Variants in CD37 observed in about 807,000 individuals in gnomAD.
CD37 encodes leukocyte antigen CD37.
A neutral mutation model predicts 38.9 loss-of-function variants in CD37; 37 were observed. That is an observed-to-expected ratio of 0.95 (90% CI 0.73 to 1.25). The LOEUF is 1.25. CD37 is among the 50% of genes most tolerant of loss of function. The pLI, the probability that CD37 is intolerant of heterozygous loss-of-function variation, is 0.00. For synonymous variants in CD37, 146 were observed against 150.1 expected, an observed-to-expected ratio of 0.97 and a Z score of 0.20; for missense variants, 351 against 360.1, an observed-to-expected ratio of 0.97 and a Z score of 0.20.
At chr19:49,336,156 T>G in intron 2 of CD37, 1 of 281,572 alleles carries the variant, frequency 3.6e-6, no homozygotes. Flanking sequence ...AATAATGAAG[T>G]ATGACCCTAA....
In CD37 at chr19:49,339,744, G is replaced by A. The variant is rs1003028928; in HGVS notation, c.768+331G>A. On this transcript the variant is annotated intron_variant, in intron 7 of 7. Coordinates refer to ENST00000323906, the MANE Select transcript of CD37 (RefSeq NM_001774.3). The surrounding 1 kb of genome is among the most constrained non-coding windows in gnomAD (Gnocchi z 4.5). ...CGCACGTGCCGGGCGCTGGGGATTC[G>A]AGCCCCGGGCCCAGCCTGATCGCTG... 24 of 1,383,162 alleles carry A rather than the reference G, an allele frequency of 1.7e-5. No individual in the cohort carries two copies. In the African/African-American group the frequency reaches 2.9e-4, roughly 17 times the overall value. 85.7% of individuals were successfully genotyped at this position (1,383,162 alleles called of 1,614,324 possible).
Position 49,338,862 on chromosome 19 carries a change from C to G in CD37, c.610C>G (p.Leu204Val), listed in dbSNP as rs761441250. The change falls in exon 6 of 8, where the codon CTT becomes GTT. Residue 204 changes from leucine (L) to valine (V), a missense_variant. Physicochemically the swap from Leu to Val is conservative, Grantham distance 32 (BLOSUM62 1). Coordinates refer to ENST00000323906, the MANE Select transcript of CD37 (RefSeq NM_001774.3). The surrounding 1 kb of genome is among the most constrained non-coding windows in gnomAD (Gnocchi z 5.0). Reference sequence around the variant, plus strand: ...GGTGATCTTGCCCCAGCTCAGCAGGCTTGGACACCTGGCGCGGTCCAGACA... The same window carrying G: ...GGTGATCTTGCCCCAGCTCAGCAGGGTTGGACACCTGGCGCGGTCCAGACA... ...DKVILPQLSR[L>V]GHLARSRHSA... 1 of 1,614,054 alleles carries G rather than the reference C, an allele frequency of 6.2e-7. No individual in the cohort carries two copies. The highest frequency in any genetic ancestry group is 1.3e-5 in the African/African-American group (1 of 74,930).
rs962809466 is a variant in CD37, at chr19:49,335,728, G to T, written c.84G>T (p.Leu28=). The change falls in exon 2 of 8, where the codon CTG becomes CTT. Residue 28 remains leucine, a synonymous_variant. Coordinates refer to ENST00000323906, the MANE Select transcript of CD37 (RefSeq NM_001774.3). The surrounding 1 kb of genome is among the most constrained non-coding windows in gnomAD (Gnocchi z 4.6). ...FNLFFFVLGS[L]IFCFGIWILI... ...CCTCTCCCCAGGTCCTCGGCAGCCT[G>T]ATCTTCTGCTTCGGCATCTGGATCC... is the stretch of plus-strand genomic sequence containing the variant. The T allele has an allele frequency of 2.5e-6, 4 of 1,612,694 alleles. No individual in the cohort carries two copies. Among genetic ancestry groups the T allele is most frequent in the Non-Finnish European group, 3.4e-6 (4 of 1,179,414 alleles).
chr19:49,337,119 A>G (rs1262170088), intron 3 of CD37, 28 bp from the exon 4 acceptor site: 2 of 1,614,146 alleles, frequency 1.2e-6, no homozygotes, highest in East Asian at 4.5e-5. Context: ...AGGGGTGGTC[A>G]GCCTGATCTC....
chr19:49,338,609 C>T lies in CD37; in HGVS notation c.448-91C>T. 3 of 934,100 alleles carry T rather than the reference C, an allele frequency of 3.2e-6. No homozygotes were observed. The highest frequency in any genetic ancestry group is 2.1e-4 in the Middle Eastern group (1 of 4,714). The allele number at this position is 934,100 out of a possible 1,614,324, so 57.9% of individuals were successfully genotyped here. A position where few individuals can be genotyped will look rare whatever the true frequency, so the allele number is the denominator to read the frequency against. ...ACCCACCACTTAGTCCCCTGCTCCC[C>T]GACCTGACCTCATACCCATCACCTT... On this transcript the variant is annotated intron_variant, in intron 5 of 7. Transcript: ENST00000323906. The surrounding 1 kb of genome is among the most constrained non-coding windows in gnomAD (Gnocchi z 5.0).
intron 7 of CD37, 108 bp from the exon 8 acceptor site, chr19:49,340,143 C>G: frequency 5.2e-5 from 70 of 1,347,932 alleles, no homozygotes; most frequent in East Asian, 9.0e-5. Context: ...CCAGCCCCTT[C>G]CCGCCCAATT....
At position 49,339,336 on chromosome 19, in the gene CD37, GCGC is replaced by G; in HGVS notation, c.692_694del (p.Ala231_Gln232delinsGlu). On this transcript the variant is annotated inframe_deletion, in exon 7 of 8. Transcript: ENST00000323906. The surrounding 1 kb of genome is among the most constrained non-coding windows in gnomAD (Gnocchi z 4.5). ...TTTTCCCTACACCCCCCAGGGCTGC[GCGC>G]AGGGCCTCCAGAAGTGGCTGCACAA... The G allele has an allele frequency of 6.2e-7, 1 of 1,613,924 alleles. No individual in the cohort carries two copies. The highest frequency in any genetic ancestry group is 8.5e-7 in the Non-Finnish European group (1 of 1,179,860).
rs774818223 is a variant in CD37 at position 49,337,213 on chromosome 19, C to A, written c.334C>A (p.Arg112=). Residue 112 remains arginine (R), a synonymous_variant, in exon 4 of 8, where the codon CGG becomes AGG. Coordinates refer to ENST00000323906, the MANE Select transcript of CD37 (RefSeq NM_001774.3). ...CCTGGGAATCCTCATCTCCACTCAG[C>A]GGGCCCAGGTGAGCTTCCTGCAGTG... ...ITLGILISTQ[R]AQLERSLRDV... 3.7e-6 allele frequency: 6 copies of A among 1,613,892 alleles called. No individual in the cohort carries two copies. Among genetic ancestry groups the A allele is most frequent in the Non-Finnish European group, 5.1e-6 (6 of 1,179,944 alleles).
Position 49,340,392 on chromosome 19 carries a change from T to A in CD37, c.*64T>A. The A allele has an allele frequency of 9.1e-7, 1 of 1,103,188 alleles. No individual in the cohort carries two copies. The allele number at this position is 1,103,188 out of a possible 1,614,324, so 68.3% of individuals were successfully genotyped here. A position where few individuals can be genotyped will look rare whatever the true frequency, so the allele number is the denominator to read the frequency against. ...GTGCGCTGGGCACTTCCCTGCTGCC[T>A]GTAAATATTTGTTTAATCCCCAGTT... On this transcript the variant is annotated 3_prime_UTR_variant, in exon 8 of 8. Coordinates refer to ENST00000323906, the MANE Select transcript of CD37 (RefSeq NM_001774.3).
At position 49,338,612 on chromosome 19, in the gene CD37, C is replaced by A; in HGVS notation, c.448-88C>A. 1.0e-6 allele frequency: 1 copy of A among 958,670 alleles called. No individual in the cohort carries two copies. The highest frequency in any genetic ancestry group is 1.7e-6 in the Non-Finnish European group (1 of 605,830). 59.4% of individuals were successfully genotyped at this position (958,670 alleles called of 1,614,324 possible). ...CACCACTTAGTCCCCTGCTCCCCGACCTGACCTCATACCCATCACCTTGTC... is the reference window on the plus strand; with the variant it reads ...CACCACTTAGTCCCCTGCTCCCCGAACTGACCTCATACCCATCACCTTGTC... On this transcript the variant is annotated intron_variant, in intron 5 of 7. Transcript: ENST00000323906. The surrounding 1 kb of genome is among the most constrained non-coding windows in gnomAD (Gnocchi z 5.0).
rs1161906466 is a variant in CD37, at chr19:49,339,667, A to T, written c.768+254A>T. ...TCCCCTTTCTCCGCAGATGACTGTC[A>T]TGGTGCTGAGCGTACAGCTACAGCG... On this transcript the variant is annotated intron_variant, in intron 7 of 7. Coordinates refer to ENST00000323906, the MANE Select transcript of CD37 (RefSeq NM_001774.3). This position sits in a 1 kb window ranked among gnomAD's most constrained non-coding sequence, Gnocchi z 4.5. 2 of 1,428,036 alleles carry T rather than the reference A, an allele frequency of 1.4e-6. No individual in the cohort carries two copies. The highest frequency in any genetic ancestry group is 2.5e-5 in the East Asian group (1 of 39,536). The allele number at this position is 1,428,036 out of a possible 1,614,324, so 88.5% of individuals were successfully genotyped here. A position where few individuals can be genotyped will look rare whatever the true frequency, so the allele number is the denominator to read the frequency against.
At chr19:49,336,205 A>G in intron 2 of CD37, 1 of 198,380 alleles carries the variant, frequency 5.0e-6, no homozygotes, top group South Asian at 8.7e-5. Flanking sequence ...CATATTTAAG[A>G]AGTCTTTGCC....
At chr19:49,336,796 A>AGAGAG (rs1970971801) in intron 2 of CD37, 113 bp from the exon 3 acceptor site, 5 of 1,134,406 alleles carry the variant, frequency 4.4e-6, no homozygotes, top group Non-Finnish European at 6.4e-6. Context: ...ACAGAGTCCC[A>AGAGAG]GAGAGAGGGG....
chr19:49,340,088 C>A, intron 7 of CD37, 163 bp from the exon 8 acceptor site: 12 of 1,529,158 alleles, frequency 7.8e-6, no homozygotes, highest in Non-Finnish European at 9.6e-6. Flanking sequence ...GCCAGCCCTG[C>A]GGCAGTTCCC....
Position 49,337,001 on chromosome 19 carries a change from G to T in CD37, c.235G>T (p.Ala79Ser). 1.2e-6 allele frequency: 2 copies of T among 1,613,768 alleles called. No individual in the cohort carries two copies. The highest frequency in any genetic ancestry group is 4.5e-5 in the East Asian group (2 of 44,870). Residue 79 changes from alanine to serine, a missense_variant, in exon 3 of 8, where the codon GCC becomes TCC. By Grantham distance (99) the Ala-to-Ser change is moderately conservative. Coordinates refer to ENST00000323906, the MANE Select transcript of CD37 (RefSeq NM_001774.3). ...MGIALLGCVGALKELRCLLGL... is the reference protein window; with the variant it reads ...MGIALLGCVGSLKELRCLLGL... ...CATCGCCCTCCTGGGTTGTGTGGGG[G>T]CCCTCAAGGAGCTCCGCTGCCTCCT...
At position 49,339,890 on chromosome 19, in the gene CD37, T is replaced by G; in HGVS notation, c.769-361T>G. The G allele has an allele frequency of 7.4e-7, 1 of 1,343,052 alleles. No homozygotes were observed. Among genetic ancestry groups the G allele is most frequent in the Non-Finnish European group, 9.6e-7 (1 of 1,041,682 alleles). The allele number at this position is 1,343,052 out of a possible 1,614,324, so 83.2% of individuals were successfully genotyped here. Reference sequence around the variant, plus strand: ...CCCATGGCCCTGGGGCTCTGGCCGCTGTGGGTTCAAGACGAGGACCAGCCT... The same window carrying G: ...CCCATGGCCCTGGGGCTCTGGCCGCGGTGGGTTCAAGACGAGGACCAGCCT... On this transcript the variant is annotated intron_variant, in intron 7 of 7. Coordinates refer to ENST00000323906, the MANE Select transcript of CD37 (RefSeq NM_001774.3). The surrounding 1 kb of genome is among the most constrained non-coding windows in gnomAD (Gnocchi z 4.5).
chr19:49,338,199 G>A lies in CD37; in HGVS notation c.447+170G>A, dbSNP rs1971033885. The A allele has an allele frequency of 3.5e-6, 5 of 1,433,586 alleles. No homozygotes were observed. Among genetic ancestry groups the A allele is most frequent in the Non-Finnish European group, 4.6e-6 (5 of 1,098,250 alleles). The allele number at this position is 1,433,586 out of a possible 1,614,324, so 88.8% of individuals were successfully genotyped here. A position where few individuals can be genotyped will look rare whatever the true frequency, so the allele number is the denominator to read the frequency against. Reference sequence around the variant, plus strand: ...CCCAGATGACACAACTGTCCCCGGCGTCGCCTGGTCTCCCAGTACCCAGAC... The same window carrying A: ...CCCAGATGACACAACTGTCCCCGGCATCGCCTGGTCTCCCAGTACCCAGAC... On this transcript the variant is annotated intron_variant, in intron 5 of 7. Transcript: ENST00000323906. This position sits in a 1 kb window ranked among gnomAD's most constrained non-coding sequence, Gnocchi z 5.0.
intron 4 of CD37, 111 bp from the exon 5 acceptor site, chr19:49,337,814 G>A: frequency 6.4e-7 from 1 of 1,569,584 alleles, no homozygotes; most frequent in South Asian, 1.2e-5. Flanking sequence ...ATTCAGTAAG[G>A]ATTTGAGACT....
chr19:49,337,502 G>A, intron 4 of CD37: 1 of 657,908 alleles, frequency 1.5e-6, no homozygotes, highest in Non-Finnish European at 2.4e-6. Flanking sequence ...TGCACCTGGG[G>A]TCCCAGCTAC....
Sources: allele counts gnomAD v4.1 joint callset, GRCh38; gene constraint gnomAD v4.1.1; non-coding constraint Gnocchi (gnomAD v3.1); transcripts MANE v1.5; gene names NCBI Gene and HGNC (gene_info 2026-07-23, HGNC 2026-07-21).